KCNMA1: variants seen among roughly 807,000 people sequenced by gnomAD.
The protein encoded by KCNMA1 is potassium calcium-activated channel subfamily M alpha 1.
In KCNMA1, 29 loss-of-function variants were observed where a neutral mutation model predicts 140.0. That is an observed-to-expected ratio of 0.21 (90% CI 0.15 to 0.28). KCNMA1 has a LOEUF of 0.28. Among genes scored for constraint, KCNMA1 ranks in the 10% least tolerant of loss-of-function variants. The pLI, the probability that KCNMA1 is intolerant of heterozygous loss-of-function variation, is 1.00. For synonymous variants in KCNMA1, 612 were observed against 611.9 expected (o/e 1.00, Z 0.00); for missense variants, 880 against 1,602.2 (o/e 0.55, Z 7.70).
At chr10:77,301,494 C>A (rs1054620991) in intron 2 of KCNMA1, among the ~76,000 whole-genome samples, 4 of 152,078 alleles carry the variant, frequency 2.6e-5, no homozygotes, top group Middle Eastern at 3.2e-3. Context: ...ACTTGATGGA[C>A]TTTTGAAGGA....
At chr10:76,897,978 G>A (rs989457022) in intron 25 of KCNMA1, among the ~76,000 whole-genome samples, 17 of 151,560 alleles carry the variant, frequency 1.1e-4, no homozygotes, top group Non-Finnish European at 2.5e-4. Context: ...AAAATAGAAT[G>A]GAAAGTTTAC....
intron 1 of KCNMA1, among the ~76,000 whole-genome samples, chr10:77,482,992 ACACACAC>A: frequency 1.2e-3 from 1 of 830 alleles, no homozygotes; most frequent in East Asian, 0.042. Context: ...TCTCTCACAT[ACACACAC>A]ACACACACAC....
At position 77,032,837 on chromosome 10, in the gene KCNMA1, T is replaced by A. The variant is rs192148009; in HGVS notation, c.1860-4946A>T. On this transcript the variant is annotated intron_variant, in intron 15 of 27. Transcript: ENST00000286628. ...GAATTAGAGTCCAACTGTTTCTGCCTACCCAGAGGGAAATACATTGTTCCT... is the reference window on the plus strand; with the variant it reads ...GAATTAGAGTCCAACTGTTTCTGCCAACCCAGAGGGAAATACATTGTTCCT... Among the ~76,000 whole-genome samples, 42 of 152,216 alleles carry A rather than the reference T, an allele frequency of 2.8e-4. No individual in the cohort carries two copies. The East Asian group carries it at 7.5e-3, about 27-fold the overall frequency.
At chr10:76,906,696 T>C (rs1441835985) in intron 25 of KCNMA1, among the ~76,000 whole-genome samples, 2 of 152,232 alleles carry the variant, frequency 1.3e-5, no homozygotes, top group Admixed American at 1.3e-4. Flanking sequence ...TCTCCTGCTG[T>C]TTGGAGGAGT....
At position 77,383,008 on chromosome 10, in the gene KCNMA1, A is replaced by G. The variant is rs1178304303; in HGVS notation, c.540+20854T>C. 1.0e-3 allele frequency among the ~76,000 whole-genome samples: 124 copies of G among 120,936 alleles called. 2 individuals are homozygous for G. The South Asian group carries it at 0.023, about 23-fold the overall frequency. 79.3% of individuals were successfully genotyped at this position (120,936 alleles called of 152,430 possible). A position where few individuals can be genotyped will look rare whatever the true frequency, so the allele number is the denominator to read the frequency against. On this transcript the variant is annotated intron_variant, in intron 2 of 27. Transcript: ENST00000286628. Reference sequence around the variant, plus strand: ...TGTGTGTGTGTGTATATATATATATATATATATATATATATATATATTCCA... The same window carrying G: ...TGTGTGTGTGTGTATATATATATATGTATATATATATATATATATATTCCA...
chr10:76,887,160 A>T lies in KCNMA1; in HGVS notation c.*106T>A. On this transcript the variant is annotated 3_prime_UTR_variant, in exon 28 of 28. Coordinates refer to ENST00000286628, the MANE Select transcript of KCNMA1 (RefSeq NM_001161352.2). Reference sequence around the variant, plus strand: ...ACATATGCAAATATGTGTAAAAAAAAAGGGGGGGACTACAGGGGAAAACAG... The same window carrying T: ...ACATATGCAAATATGTGTAAAAAAATAGGGGGGGACTACAGGGGAAAACAG... 6.2e-6 allele frequency: 10 copies of T among 1,610,804 alleles called. No individual in the cohort carries two copies. Among genetic ancestry groups the T allele is most frequent in the Non-Finnish European group, 7.6e-6 (9 of 1,179,632 alleles).
chr10:77,156,543 G>A (rs2098486371), intron 5 of KCNMA1, among the ~76,000 whole-genome samples: 1 of 152,200 alleles, frequency 6.6e-6, no homozygotes, highest in Admixed American at 6.5e-5. Context: ...AGCAAGGACA[G>A]TAATAGCCCT....
intron 2 of KCNMA1, among the ~76,000 whole-genome samples, chr10:77,347,856 T>A (rs2092392848): frequency 6.6e-6 from 1 of 152,240 alleles, no homozygotes. Context: ...GAAACTGTAC[T>A]AAAACCTTAA....
At chr10:77,590,518 C>A (rs887773264) in intron 1 of KCNMA1, among the ~76,000 whole-genome samples, 1 of 152,244 alleles carries the variant, frequency 6.6e-6, no homozygotes, top group South Asian at 2.1e-4. Context: ...ACCCGGAACT[C>A]GCGCTGGCCC....
intron 2 of KCNMA1, among the ~76,000 whole-genome samples, chr10:77,262,260 G>A (rs185191009): frequency 2.6e-5 from 4 of 152,278 alleles, no homozygotes; most frequent in South Asian, 2.1e-4. Flanking sequence ...TCCATACTAC[G>A]ACGTGAATGA....
intron 2 of KCNMA1, among the ~76,000 whole-genome samples, chr10:77,294,818 C>T (rs1305885605): frequency 6.6e-6 from 1 of 151,966 alleles, no homozygotes; most frequent in Non-Finnish European, 1.5e-5. Flanking sequence ...ACTTGGGAGG[C>T]TGAAGCAGGA....
chr10:77,439,150 A>AGAAGAGAAGAGAAGAGAAGAGAAG (rs1566858870), intron 1 of KCNMA1, among the ~76,000 whole-genome samples: 1 of 64,248 alleles, frequency 1.6e-5, no homozygotes, highest in African/African-American at 5.9e-5. Flanking sequence ...GAGAAGAGAA[A>AGAAGAGAAGAGAAGAGAAGAGAAG]AGAGAAGAGA....
At chr10:77,616,028 G>T (rs1037994844) in intron 1 of KCNMA1, among the ~76,000 whole-genome samples, 1 of 152,212 alleles carries the variant, frequency 6.6e-6, no homozygotes, top group Non-Finnish European at 1.5e-5. Context: ...AGCTTTGCAA[G>T]GTTAAGTAAA....
At chr10:77,317,104 C>T (rs7086095) in intron 2 of KCNMA1, among the ~76,000 whole-genome samples, 25,981 of 152,094 alleles carry the variant, frequency 0.17, 2,367 homozygotes, top group East Asian at 0.33. Context: ...CCTGTAGTGC[C>T]TTCCCAATCA....
chr10:77,556,751 C>T (rs2064636440), intron 1 of KCNMA1, among the ~76,000 whole-genome samples: 1 of 152,142 alleles, frequency 6.6e-6, no homozygotes, highest in South Asian at 2.1e-4. Context: ...TGCCCAACTC[C>T]AGGGAACCAT....
At chr10:77,156,753 GT>G (rs1039768305) in intron 5 of KCNMA1, among the ~76,000 whole-genome samples, 1 of 152,198 alleles carries the variant, frequency 6.6e-6, no homozygotes, top group Non-Finnish European at 1.5e-5. Context: ...CCTGGGAGAT[GT>G]TTTTCAGACT....
chr10:77,542,396 C>T (rs1382831046), intron 1 of KCNMA1, among the ~76,000 whole-genome samples: 10 of 152,190 alleles, frequency 6.6e-5, no homozygotes, highest in Non-Finnish European at 7.3e-5. Context: ...CTCCCTGTTT[C>T]TTAAAGAGAA....
At chr10:77,251,135 A>T in intron 3 of KCNMA1, 60 bp downstream of exon 3, 1 of 1,304,720 alleles carries the variant, frequency 7.7e-7, no homozygotes. Context: ...TAAATGGATC[A>T]ATGTAAAGGC....
intron 1 of KCNMA1, among the ~76,000 whole-genome samples, chr10:77,443,879 A>G (rs558272380): frequency 5.4e-4 from 82 of 152,330 alleles, no homozygotes; most frequent in Non-Finnish European, 8.2e-4. Context: ...TTTAGAAAAT[A>G]TTATATATTT....
Sources: allele counts gnomAD v4.1 joint callset (sites outside exome capture counted in the v4.1 genomes callset), GRCh38; gene constraint gnomAD v4.1.1; transcripts MANE v1.5; gene names NCBI Gene and HGNC (gene_info 2026-07-23, HGNC 2026-07-21).